The following NAALAD2 variants were observed in gnomAD, a reference collection of about 807,000 sequenced individuals.
NAALAD2 encodes N-acetylated-alpha-linked acidic dipeptidase 2.
Under a neutral mutation model 95.6 loss-of-function variants are expected in NAALAD2, and 89 were observed. The ratio of observed to expected loss-of-function variants is 0.93; its 90% confidence interval spans 0.78 to 1.11. NAALAD2 has a LOEUF of 1.11. Among genes scored for constraint, NAALAD2 ranks in the 50% least tolerant of loss-of-function variants. The pLI, the probability that NAALAD2 is intolerant of heterozygous loss-of-function variation, is 0.00. For missense variants in NAALAD2, 894 were observed against 872.4 expected (o/e 1.02, Z -0.31); for synonymous variants, 264 against 294.4 (o/e 0.90, Z 1.06).
chr11:90,167,461 G>T (rs118046090), intron 11 of NAALAD2, among the ~76,000 whole-genome samples: 6 of 152,280 alleles, frequency 3.9e-5, no homozygotes, highest in African/African-American at 1.4e-4. Context: ...GGAGCCTCCC[G>T]ACGAGCACCG....
intron 8 of NAALAD2, 140 bp downstream of exon 8, chr11:90,159,477 C>T (rs1482673659): frequency 5.2e-6 from 3 of 581,854 alleles, no homozygotes; most frequent in Non-Finnish European, 9.0e-6. Flanking sequence ...TTAAGAAGTA[C>T]TTACACATGA....
intron 2 of NAALAD2, among the ~76,000 whole-genome samples, chr11:90,144,757 G>GAAAAAAAAAA (rs1302696048): frequency 9.3e-5 from 12 of 129,478 alleles, no homozygotes; most frequent in African/African-American, 3.6e-4. Flanking sequence ...AAAAAAAAAC[G>GAAAAAAAAAA]GAAAAGAAAG....
chr11:90,177,589 T>TTG, intron 15 of NAALAD2, among the ~76,000 whole-genome samples: 4 of 33,160 alleles, frequency 1.2e-4, no homozygotes, highest in African/African-American at 4.0e-4. Flanking sequence ...TTTTCTTGTT[T>TTG]TTTTTTTTTT....
At chr11:90,167,485 G>A (rs1050574907) in intron 11 of NAALAD2, among the ~76,000 whole-genome samples, 16 of 152,184 alleles carry the variant, frequency 1.1e-4, no homozygotes, top group South Asian at 6.2e-4. Flanking sequence ...CCTGCTCCAC[G>A]GCGACCAGTC....
At chr11:90,160,621 T>G (rs1347689493) in intron 8 of NAALAD2, among the ~76,000 whole-genome samples, 1 of 152,206 alleles carries the variant, frequency 6.6e-6, no homozygotes, top group Non-Finnish European at 1.5e-5. Context: ...GACTTTATTA[T>G]CTAATTTGTG....
At chr11:90,189,572 C>T (rs1857262474) in intron 18 of NAALAD2, among the ~76,000 whole-genome samples, 1 of 152,014 alleles carries the variant, frequency 6.6e-6, no homozygotes, top group Non-Finnish European at 1.5e-5. Flanking sequence ...AGTTTAAGAC[C>T]AGCCTGGCCA....
At chr11:90,160,973 A>C (rs1001804028) in intron 8 of NAALAD2, among the ~76,000 whole-genome samples, 3 of 152,166 alleles carry the variant, frequency 2.0e-5, no homozygotes, top group African/African-American at 7.2e-5. Flanking sequence ...ATAAAGGCCA[A>C]CTCCAAATCA....
chr11:90,191,696 T>A lies in NAALAD2; in HGVS notation c.2172T>A (p.Ile724=). The A allele has an allele frequency of 6.2e-7, 1 of 1,600,592 alleles. No homozygotes were observed. Among genetic ancestry groups the A allele is most frequent in the Non-Finnish European group, 8.5e-7 (1 of 1,173,838 alleles). Residue 724 remains isoleucine (I), a synonymous_variant, in exon 19 of 19, where the codon ATT becomes ATA. Coordinates refer to ENST00000534061, the MANE Select transcript of NAALAD2 (RefSeq NM_005467.4). ...AWKEVKKHIS[I]AAFTIQAAAG... is the part of the protein sequence containing the mutation. ...AAGAAGTAAAGAAACATATTTCTAT[T>A]GCAGCTTTTACAATTCAAGCAGCAG...
chr11:90,150,919 A>G (rs189241232), intron 5 of NAALAD2, among the ~76,000 whole-genome samples: 3 of 152,300 alleles, frequency 2.0e-5, no homozygotes, highest in Non-Finnish European at 2.9e-5. Flanking sequence ...GATATAATCA[A>G]TCTTAATAGC....
chr11:90,139,613 A>G (rs978144781), intron 2 of NAALAD2, among the ~76,000 whole-genome samples: 2 of 152,164 alleles, frequency 1.3e-5, no homozygotes, highest in Non-Finnish European at 2.9e-5. Flanking sequence ...TAAATGTATC[A>G]AACCATCTTT....
chr11:90,147,820 G>T (rs184669568), intron 3 of NAALAD2, among the ~76,000 whole-genome samples: 8 of 152,312 alleles, frequency 5.3e-5, no homozygotes, highest in African/African-American at 1.9e-4. Context: ...CTGGGAGTTA[G>T]ACAATGTTTC....
intron 13 of NAALAD2, among the ~76,000 whole-genome samples, chr11:90,173,464 T>G: frequency 6.6e-6 from 1 of 152,146 alleles, no homozygotes; most frequent in East Asian, 1.9e-4. Flanking sequence ...TCTGAAGTTT[T>G]CTCCAGTGTC....
chr11:90,170,253 C>A, intron 13 of NAALAD2, 117 bp downstream of exon 13: 2 of 689,052 alleles, frequency 2.9e-6, no homozygotes, highest in Non-Finnish European at 2.6e-6. Context: ...ATAATAGAAT[C>A]ATATAAACAA....
At chr11:90,155,735 A>ATTG (rs1952091214) in intron 6 of NAALAD2, among the ~76,000 whole-genome samples, 1 of 49,204 alleles carries the variant, frequency 2.0e-5, no homozygotes, top group Non-Finnish European at 3.7e-5. Context: ...ACATACATAC[A>ATTG]TATGTATGTA....
chr11:90,192,732 A>G lies in NAALAD2; in HGVS notation c.*985A>G, dbSNP rs762973679. The G allele has an allele frequency of 1.7e-4, 26 of 151,738 alleles. No homozygotes were observed. Among genetic ancestry groups the G allele is most frequent in the South Asian group, 4.1e-4 (2 of 4,832 alleles). 9.4% of individuals were successfully genotyped at this position (151,738 alleles called of 1,614,324 possible). A position where few individuals can be genotyped will look rare whatever the true frequency, so the allele number is the denominator to read the frequency against. ...AATTTCAGCTCTACTGAATAAACAT[A>G]TAAGTCTGATGGGTGATGAAAATAG... is the stretch of plus-strand genomic sequence containing the variant. On this transcript the variant is annotated 3_prime_UTR_variant, in exon 19 of 19. Coordinates refer to ENST00000534061, the MANE Select transcript of NAALAD2 (RefSeq NM_005467.4).
intron 11 of NAALAD2, 43 bp from the exon 12 acceptor site, chr11:90,168,886 A>G: frequency 6.8e-7 from 1 of 1,464,416 alleles, no homozygotes; most frequent in Non-Finnish European, 9.5e-7. Flanking sequence ...CATTTTCACA[A>G]CTAAGTAATG....
intron 2 of NAALAD2, among the ~76,000 whole-genome samples, chr11:90,143,977 T>TG (rs556459782): frequency 6.1e-4 from 93 of 152,302 alleles, no homozygotes; most frequent in Admixed American, 9.8e-4. Flanking sequence ...TCAGCTATAA[T>TG]GTTCTTATTA....
At chr11:90,141,949 A>C (rs1951630881) in intron 2 of NAALAD2, among the ~76,000 whole-genome samples, 1 of 152,130 alleles carries the variant, frequency 6.6e-6, no homozygotes, top group Admixed American at 6.5e-5. Context: ...ACTCTGTTGA[A>C]TAAGAGTAGT....
intron 2 of NAALAD2, among the ~76,000 whole-genome samples, chr11:90,141,820 A>C (rs760334508): frequency 2.0e-5 from 3 of 152,114 alleles, no homozygotes; most frequent in Non-Finnish European, 4.4e-5. Flanking sequence ...GAAATTTTCT[A>C]TGTAGACAAT....
Sources: allele counts gnomAD v4.1 joint callset (sites outside exome capture counted in the v4.1 genomes callset), GRCh38; gene constraint gnomAD v4.1.1; transcripts MANE v1.5; gene names NCBI Gene and HGNC (gene_info 2026-07-23, HGNC 2026-07-21).